Variants in AMTN observed in about 807,000 individuals in gnomAD.
The protein encoded by AMTN is RSTI689.
A neutral mutation model predicts 27.4 loss-of-function variants in AMTN; 29 were observed. The ratio of observed to expected loss-of-function variants is 1.06; its 90% CI spans 0.79 to 1.44. The LOEUF (loss-of-function observed/expected upper bound fraction) is 1.44. Among genes scored for constraint, AMTN ranks in the 40% most tolerant of loss-of-function variants. AMTN has a pLI of 0.00. For synonymous variants in AMTN, 86 were observed against 95.7 expected (o/e 0.90, Z 0.59); for missense variants, 247 against 248.8 (o/e 0.99, Z 0.05).
intron 4 of AMTN, among the ~76,000 whole-genome samples, chr4:70,524,318 G>A (rs1166593810): frequency 6.6e-6 from 1 of 152,174 alleles, no homozygotes; most frequent in East Asian, 1.9e-4. Context: ...AAGATCTTCA[G>A]TGTCTTCTTA....
chr4:70,525,063 C>A, intron 5 of AMTN, 102 bp downstream of exon 5: 1 of 1,063,630 alleles, frequency 9.4e-7, no homozygotes, highest in Non-Finnish European at 1.4e-6. Flanking sequence ...AAATTTTGCC[C>A]AGATTATTAA....
intron 2 of AMTN, among the ~76,000 whole-genome samples, chr4:70,521,305 G>A (rs1190861428): frequency 6.6e-6 from 1 of 150,730 alleles, no homozygotes; most frequent in Non-Finnish European, 1.5e-5. Context: ...ATTTGAACCT[G>A]GGAGGTGGAG....
rs766499849 is a variant in AMTN at position 70,531,262 on chromosome 4, C to T, written c.581C>T (p.Thr194Ile). 6 of 1,613,888 alleles carry T rather than the reference C, an allele frequency of 3.7e-6. No homozygotes were observed. Among genetic ancestry groups the T allele is most frequent in the East Asian group, 2.2e-5 (1 of 44,862 alleles). Residue 194 changes from threonine (T) to isoleucine (I), a missense_variant, in exon 8 of 9, where the codon ACA becomes ATA. Physicochemically the swap from Thr to Ile is moderately conservative, Grantham distance 89. Coordinates refer to ENST00000339336, the MANE Select transcript of AMTN (RefSeq NM_212557.4). Reference protein sequence around the residue: ...VTTPAGIQRSTHAIEEATTES... With the variant: ...VTTPAGIQRSIHAIEEATTES... ...ACCCCTGCAGGCATCCAAAGGAGCA[C>T]ACATGCCATCGAGGAAGCCACCACA...
intron 5 of AMTN, among the ~76,000 whole-genome samples, chr4:70,525,245 TG>T (rs1736076692): frequency 6.6e-6 from 1 of 152,152 alleles, no homozygotes; most frequent in Admixed American, 6.5e-5. Flanking sequence ...GAAAAATACA[TG>T]GGGGGAAGTT....
At chr4:70,525,558 A>G (rs1034339417) in intron 5 of AMTN, among the ~76,000 whole-genome samples, 1 of 152,154 alleles carries the variant, frequency 6.6e-6, no homozygotes, top group Non-Finnish European at 1.5e-5. Flanking sequence ...ACATTGAACA[A>G]ATTCCAAATT....
chr4:70,518,762 G>A lies in AMTN; in HGVS notation c.-15-1G>A. 2 of 1,580,884 alleles carry A rather than the reference G, an allele frequency of 1.3e-6. No individual in the cohort carries two copies. The highest frequency in any genetic ancestry group is 8.7e-7 in the Non-Finnish European group (1 of 1,153,528). On this transcript the variant is annotated splice_acceptor_variant, in intron 1 of 8. Transcript: ENST00000339336. LOFTEE classifies it low-confidence loss of function (5UTR_SPLICE). Reference sequence around the variant, plus strand: ...AGAGTAACACTTTTTTGTTGTTGTAGGTAGCAATCTGAAACATGAGGAGTA... The same window carrying A: ...AGAGTAACACTTTTTTGTTGTTGTAAGTAGCAATCTGAAACATGAGGAGTA...
At chr4:70,518,885 C>T in intron 2 of AMTN, 54 bp downstream of exon 2, 1 of 1,401,606 alleles carries the variant, frequency 7.1e-7, no homozygotes, top group East Asian at 2.3e-5. Flanking sequence ...GCATCTCTAG[C>T]TGCAGACCTA....
At chr4:70,528,113 C>T (rs2109773785) in intron 5 of AMTN, among the ~76,000 whole-genome samples, 1 of 152,220 alleles carries the variant, frequency 6.6e-6, no homozygotes, top group South Asian at 2.1e-4. Context: ...ATTATTGTTA[C>T]TTGAAATAAT....
At chr4:70,530,927 T>C in intron 7 of AMTN, 112 bp from the exon 8 acceptor site, 1 of 1,427,160 alleles carries the variant, frequency 7.0e-7, no homozygotes, top group Non-Finnish European at 9.4e-7. Flanking sequence ...TGCTGTCTTC[T>C]CTGACTTTAC....
intron 8 of AMTN, 115 bp downstream of exon 8, chr4:70,531,415 C>A (rs1736221441): frequency 7.4e-7 from 1 of 1,346,336 alleles, no homozygotes; most frequent in Non-Finnish European, 1.0e-6. Flanking sequence ...GATTAGGAAG[C>A]CCCTTTACTC....
chr4:70,530,221 G>GCA (rs3223259), intron 7 of AMTN, among the ~76,000 whole-genome samples: 128 of 150,300 alleles, frequency 8.5e-4, no homozygotes, highest in East Asian at 5.3e-3. Flanking sequence ...ATGCAGCTTA[G>GCA]CACACACACA....
At position 70,532,642 on chromosome 4, in the gene AMTN, C is replaced by T. The variant is rs1227081994; in HGVS notation, c.*177C>T. ...AGAAAATATGTTCTATGTAGAGAAT[C>T]CCAACTTTTAAAAACAATAATTCAA... On this transcript the variant is annotated 3_prime_UTR_variant, in exon 9 of 9. Coordinates refer to ENST00000339336, the MANE Select transcript of AMTN (RefSeq NM_212557.4). 3 of 549,178 alleles carry T rather than the reference C, an allele frequency of 5.5e-6. No individual in the cohort carries two copies. In the Admixed American group the frequency reaches 1.1e-4, roughly 21 times the overall value. The allele number at this position is 549,178 out of a possible 1,614,324, so 34.0% of individuals were successfully genotyped here. A position where few individuals can be genotyped will look rare whatever the true frequency, so the allele number is the denominator to read the frequency against.
Position 70,523,476 on chromosome 4 carries a change from C to T in AMTN, c.139-392C>T, listed in dbSNP as rs191774377. On this transcript the variant is annotated intron_variant, in intron 3 of 8. Transcript: ENST00000339336. ...ACACTAGAGTCTAAAGTCTTCTCCTCAGTCAACAGAACACTCAAGTCAAGA... is the reference window on the plus strand; with the variant it reads ...ACACTAGAGTCTAAAGTCTTCTCCTTAGTCAACAGAACACTCAAGTCAAGA... 2.0e-5 allele frequency among the ~76,000 whole-genome samples: 3 copies of T among 152,240 alleles called. No homozygotes were observed. The East Asian group carries it at 5.8e-4, about 29-fold the overall frequency.
At position 70,532,741 on chromosome 4, in the gene AMTN, T is replaced by A. The variant is rs953129893; in HGVS notation, c.*276T>A. On this transcript the variant is annotated 3_prime_UTR_variant, in exon 9 of 9. Transcript: ENST00000339336. ...GCATATTAAAACATATTTGGAAAAC[T>A]GACTCTTTTTCTTCTTTGGAGATGG... The A allele has an allele frequency of 9.2e-6, 3 of 326,972 alleles. No homozygotes were observed. In the East Asian group the frequency reaches 1.5e-4, roughly 17 times the overall value. The allele number at this position is 326,972 out of a possible 1,614,324, so 20.3% of individuals were successfully genotyped here.
At chr4:70,520,134 C>T (rs1735922373) in intron 2 of AMTN, among the ~76,000 whole-genome samples, 1 of 152,266 alleles carries the variant, frequency 6.6e-6, no homozygotes, top group African/African-American at 2.4e-5. Context: ...ACAAGCAAAA[C>T]TTTCCAGGAG....
At chr4:70,528,781 T>C in intron 6 of AMTN, 23 bp downstream of exon 6, 2 of 1,568,028 alleles carry the variant, frequency 1.3e-6, no homozygotes, top group Non-Finnish European at 1.7e-6. Flanking sequence ...CTTAATATTG[T>C]CTTGATTTTA....
intron 5 of AMTN, among the ~76,000 whole-genome samples, chr4:70,527,146 G>T (rs1204672371): frequency 2.0e-5 from 3 of 152,174 alleles, no homozygotes; most frequent in African/African-American, 7.2e-5. Context: ...CATTAAAGTA[G>T]AACCTTCCTC....
chr4:70,522,128 C>A (rs1292707385), intron 2 of AMTN, among the ~76,000 whole-genome samples: 1 of 152,104 alleles, frequency 6.6e-6, no homozygotes, highest in Non-Finnish European at 1.5e-5. Flanking sequence ...TTAGAGGGAT[C>A]TAGCACTGGC....
chr4:70,521,028 T>C (rs1053878426), intron 2 of AMTN, among the ~76,000 whole-genome samples: 2 of 152,188 alleles, frequency 1.3e-5, no homozygotes, highest in South Asian at 2.1e-4. Context: ...AGAGAGCTAC[T>C]GGGGGCCCAG....
Sources: allele counts gnomAD v4.1 joint callset (sites outside exome capture counted in the v4.1 genomes callset), GRCh38; gene constraint gnomAD v4.1.1; transcripts MANE v1.5; gene names NCBI Gene and HGNC (gene_info 2026-07-23, HGNC 2026-07-21).